Variants in DPYSL2 observed in about 807,000 individuals in gnomAD.
DPYSL2 encodes the protein dihydropyrimidinase-related protein 2.
Under a neutral mutation model 69.9 loss-of-function variants are expected in DPYSL2, and 13 were observed. That is an observed-to-expected ratio of 0.19 (90% confidence interval 0.12 to 0.30). DPYSL2 has a LOEUF of 0.30. Among genes scored for constraint, DPYSL2 ranks in the 10% least tolerant of loss-of-function variants. The pLI is 1.00. For synonymous variants in DPYSL2, 326 were observed against 359.1 expected, an observed-to-expected ratio of 0.91 and a Z score of 1.04; for missense variants, 587 against 918.9, an observed-to-expected ratio of 0.64 and a Z score of 4.67.
Position 26,605,684 on chromosome 8 carries a change from A to G in DPYSL2, c.629-18459A>G, listed in dbSNP as rs912140525. ...TATTAAAAATTAATAGCTTCCCTGT[A>G]TGTCATAAATAACCAATCAGAAAAC... On this transcript the variant is annotated intron_variant, in intron 3 of 13. Coordinates refer to ENST00000521913, the MANE Select transcript of DPYSL2 (RefSeq NM_001197293.3). This position sits in a 1 kb window ranked among gnomAD's most constrained non-coding sequence, Gnocchi z 4.1. Among the ~76,000 whole-genome samples, 1 of 152,248 alleles carries G rather than the reference A, an allele frequency of 6.6e-6. No individual in the cohort carries two copies.
intron 7 of DPYSL2, 42 bp from the exon 8 acceptor site, chr8:26,634,738 G>A (rs1339554313): frequency 3.7e-6 from 6 of 1,613,216 alleles, no homozygotes; most frequent in East Asian, 4.5e-5. Flanking sequence ...GGCTCGTGGG[G>A]TGGGCTGAGC....
chr8:26,556,191 ATTATATATACT>A (rs1800960316), intron 1 of DPYSL2, among the ~76,000 whole-genome samples: 3 of 13,386 alleles, frequency 2.2e-4, no homozygotes, highest in Non-Finnish European at 4.9e-4. Context: ...TACTATATAT[ATTATATATACT>A]ATATATATAC....
intron 1 of DPYSL2, among the ~76,000 whole-genome samples, chr8:26,566,086 G>C (rs551881133): frequency 6.6e-6 from 1 of 152,220 alleles, no homozygotes; most frequent in Admixed American, 6.5e-5. Flanking sequence ...GACATGGAAG[G>C]ACCCAGCTGA....
In DPYSL2 at chr8:26,621,369, G is replaced by A. The variant is rs1802478169; in HGVS notation, c.629-2774G>A. 6.6e-6 allele frequency among the ~76,000 whole-genome samples: 1 copy of A among 152,192 alleles called. No homozygotes were observed. The highest frequency in any genetic ancestry group is 1.5e-5 in the Non-Finnish European group (1 of 68,038). The stretch of plus-strand genomic sequence containing the variant: ...CAGTGAAAGGAATGCATTTCCATAA[G>A]TGAGGGTCTGGCAGAGCAGTGTTGA... On this transcript the variant is annotated intron_variant, in intron 3 of 13. Coordinates refer to ENST00000521913, the MANE Select transcript of DPYSL2 (RefSeq NM_001197293.3). This position sits in a 1 kb window ranked among gnomAD's most constrained non-coding sequence, Gnocchi z 4.9.
At chr8:26,532,787 GGTT>G (rs1195051525) in intron 1 of DPYSL2, among the ~76,000 whole-genome samples, 1 of 152,066 alleles carries the variant, frequency 6.6e-6, no homozygotes, top group African/African-American at 2.4e-5. Flanking sequence ...CAGGTAGTTG[GGTT>G]GTTTCCACTT....
rs189379276 is a variant in DPYSL2, at chr8:26,602,350, G to A, written c.628+18367G>A. On this transcript the variant is annotated intron_variant, in intron 3 of 13. Coordinates refer to ENST00000521913, the MANE Select transcript of DPYSL2 (RefSeq NM_001197293.3). ...GATCTCTCTCGTCCTCCTAAATCCCGCAACACTAAGTGTGGTTCCCTTAAG... is the reference window on the plus strand; with the variant it reads ...GATCTCTCTCGTCCTCCTAAATCCCACAACACTAAGTGTGGTTCCCTTAAG... Among the ~76,000 whole-genome samples, 43 of 151,808 alleles carry A rather than the reference G, an allele frequency of 2.8e-4. No individual in the cohort carries two copies. In the East Asian group the frequency reaches 7.4e-3, roughly 26 times the overall value.
In DPYSL2 at chr8:26,646,698, A is replaced by G. The variant is rs185248003; in HGVS notation, c.1426-932A>G. ...AGACTTCTAGGTTGGCTAGACTAGA[A>G]GATGACATCTGGCCAGGCATGGTGG... On this transcript the variant is annotated intron_variant, in intron 10 of 13. Transcript: ENST00000521913. Among the ~76,000 whole-genome samples the G allele has an allele frequency of 5.9e-5, 9 of 152,262 alleles. No individual in the cohort carries two copies. In the East Asian group the frequency reaches 1.7e-3, roughly 29 times the overall value.
At chr8:26,645,813 G>C (rs913499686) in intron 10 of DPYSL2, among the ~76,000 whole-genome samples, 1 of 152,020 alleles carries the variant, frequency 6.6e-6, no homozygotes, top group Non-Finnish European at 1.5e-5. Context: ...ACCTCCCAAA[G>C]TGCTGGCATT....
intron 1 of DPYSL2, chr8:26,577,778 A>C (rs866379748): frequency 3.0e-6 from 3 of 989,986 alleles, no homozygotes; most frequent in Middle Eastern, 5.1e-4. Flanking sequence ...TCACTGCCGC[A>C]TTTCGCGCTC....
intron 1 of DPYSL2, among the ~76,000 whole-genome samples, chr8:26,531,070 A>T (rs1346484191): frequency 1.3e-5 from 2 of 152,016 alleles, no homozygotes; most frequent in African/African-American, 4.8e-5. Context: ...AAGAAAAAAA[A>T]AAAAAAAAGG....
rs530180931 is a variant in DPYSL2, at chr8:26,565,758, A to T, written c.355-16211A>T. 1.3e-5 allele frequency among the ~76,000 whole-genome samples: 2 copies of T among 152,340 alleles called. No homozygotes were observed. The highest frequency in any genetic ancestry group is 3.9e-4 in the East Asian group (2 of 5,186). The stretch of plus-strand genomic sequence containing the variant: ...AGGTGGGTGTTTCTGTTGAGTGGGC[A>T]GAGAAAGGTACAGGGTCCCCGCTCC... On this transcript the variant is annotated intron_variant, in intron 1 of 13. Transcript: ENST00000521913. This position sits in a 1 kb window ranked among gnomAD's most constrained non-coding sequence, Gnocchi z 4.1.
chr8:26,592,903 T>G (rs1801775298), intron 3 of DPYSL2, among the ~76,000 whole-genome samples: 1 of 152,130 alleles, frequency 6.6e-6, no homozygotes, highest in Admixed American at 6.5e-5. Flanking sequence ...TTTTTTCCTC[T>G]TCCTCCCCAA....
At chr8:26,604,829 T>G (rs879686795) in intron 3 of DPYSL2, among the ~76,000 whole-genome samples, 2 of 151,868 alleles carry the variant, frequency 1.3e-5, no homozygotes, top group Non-Finnish European at 2.9e-5. Context: ...ACCTGGCTAA[T>G]TTTTGCATTT....
Position 26,583,978 on chromosome 8 carries a change from T to C in DPYSL2, c.623T>C (p.Met208Thr). 1.9e-6 allele frequency: 3 copies of C among 1,613,632 alleles called. No individual in the cohort carries two copies. The highest frequency in any genetic ancestry group is 2.5e-6 in the Non-Finnish European group (3 of 1,179,836). The change falls in exon 3 of 14, where the codon ATG (methionine) becomes ACG (threonine). Residue 208 changes from methionine (M) to threonine (T), a missense_variant. This residue lies in a region of DPYSL2 where 452 missense variants were observed against 754.3 expected (regional missense o/e 0.60). Coordinates refer to ENST00000521913, the MANE Select transcript of DPYSL2 (RefSeq NM_001197293.3). ...TKAALAGGTT[M>T]IIDHVVPEPG... is the part of the protein sequence containing the mutation. ...GCGGCCCTGGCTGGGGGAACCACTA[T>C]GATCAGTAAGAAGCTTAAAAATCAT...
intron 1 of DPYSL2, among the ~76,000 whole-genome samples, chr8:26,536,389 G>A (rs534965910): frequency 6.6e-6 from 1 of 152,048 alleles, no homozygotes; most frequent in East Asian, 2.0e-4. Context: ...GTAAATTATA[G>A]GCCAGGCATG....
chr8:26,546,379 T>A (rs1422431145), intron 1 of DPYSL2, among the ~76,000 whole-genome samples: 1 of 152,212 alleles, frequency 6.6e-6, no homozygotes, highest in African/African-American at 2.4e-5. Flanking sequence ...TCAGTTCCAG[T>A]TTTTTTGTTG....
chr8:26,607,115 G>T (rs1477893045), intron 3 of DPYSL2, among the ~76,000 whole-genome samples: 1 of 152,204 alleles, frequency 6.6e-6, no homozygotes, highest in African/African-American at 2.4e-5. Context: ...AACAGGAAAT[G>T]AGCTGAATGA....
intron 7 of DPYSL2, among the ~76,000 whole-genome samples, chr8:26,628,818 T>C (rs937748663): frequency 3.3e-5 from 5 of 152,114 alleles, no homozygotes; most frequent in Admixed American, 2.0e-4. Context: ...AGGGAGGAGC[T>C]TGGCAAGAGC....
rs572549346 is a variant in DPYSL2 at position 26,640,552 on chromosome 8, G to A, written c.1127-2887G>A. ...CTCCTGTGAATGTTTATAGACCCAG[G>A]AGGGGAGCCCTGGGTTGGGAGCTCC... On this transcript the variant is annotated intron_variant, in intron 8 of 13. Coordinates refer to ENST00000521913, the MANE Select transcript of DPYSL2 (RefSeq NM_001197293.3). The surrounding 1 kb of genome is among the most constrained non-coding windows in gnomAD (Gnocchi z 4.2). Among the ~76,000 whole-genome samples the A allele has an allele frequency of 6.6e-6, 1 of 152,292 alleles. No individual in the cohort carries two copies. Among genetic ancestry groups the A allele is most frequent in the South Asian group, 2.1e-4 (1 of 4,812 alleles).
Sources: gnomAD v4.1 joint callset for allele counts (sites outside exome capture counted in the v4.1 genomes callset) on GRCh38, gnomAD v4.1.1 for gene constraint, gnomAD v4.1.1 regional missense constraint, Gnocchi (gnomAD v3.1) non-coding constraint, MANE v1.5 for transcripts, NCBI Gene and HGNC (gene_info 2026-07-23, HGNC 2026-07-21) for gene names.